Variants in TTC6 observed in about 807,000 individuals in gnomAD.
TTC6 encodes tetratricopeptide repeat domain 6, also known as tetratricopeptide repeat protein 6.
In TTC6, 172 loss-of-function variants were observed where a neutral mutation model predicts 210.4. The observed-to-expected ratio is 0.82, with a 90% CI of 0.72 to 0.93. The LOEUF (loss-of-function observed/expected upper bound fraction) is 0.93. Among genes scored for constraint, TTC6 ranks in the 40% least tolerant of loss-of-function variants. The pLI is 0.00. For synonymous variants in TTC6, 804 were observed against 819.6 expected (o/e 0.98, Z 0.32); for missense variants, 2,414 against 2,318.1 (o/e 1.04, Z -0.85).
intron 14 of TTC6, among the ~76,000 whole-genome samples, chr14:37,779,275 A>C (rs910046320): frequency 6.6e-6 from 1 of 152,040 alleles, no homozygotes; most frequent in African/African-American, 2.4e-5. Flanking sequence ...TGCATTCTCT[A>C]TGAAGATCTG....
intron 14 of TTC6, among the ~76,000 whole-genome samples, chr14:37,777,104 C>T (rs1027444248): frequency 6.6e-6 from 1 of 151,998 alleles, no homozygotes; most frequent in Admixed American, 6.6e-5. Context: ...TAGTATTTTG[C>T]AGGGGTTCTC....
intron 3 of TTC6, among the ~76,000 whole-genome samples, chr14:37,685,067 C>T (rs929082674): frequency 9.9e-5 from 15 of 151,960 alleles, no homozygotes; most frequent in African/African-American, 3.1e-4. Context: ...TAAATCATGA[C>T]GAACAAAAGA....
chr14:37,799,100 T>G (rs1199301649), intron 20 of TTC6, among the ~76,000 whole-genome samples: 2 of 152,132 alleles, frequency 1.3e-5, no homozygotes, highest in Middle Eastern at 3.2e-3. Flanking sequence ...GTGAATGAGT[T>G]TGTCTAAAGA....
intron 25 of TTC6, 94 bp from the exon 28 acceptor site, chr14:37,817,484 C>T: frequency 1.9e-6 from 2 of 1,036,878 alleles, no homozygotes; most frequent in Non-Finnish European, 1.5e-6. Context: ...TATCTTAATG[C>T]TTGTGTCATT....
At chr14:37,728,625 CT>C (rs1489128913) in intron 7 of TTC6, among the ~76,000 whole-genome samples, 1 of 152,028 alleles carries the variant, frequency 6.6e-6, no homozygotes, top group African/African-American at 2.4e-5. Flanking sequence ...GTTAATACTT[CT>C]TATTGTTTTT....
chr14:37,655,129 A>G (rs532176936), intron 1 of TTC6, among the ~76,000 whole-genome samples: 26 of 152,304 alleles, frequency 1.7e-4, no homozygotes, highest in African/African-American at 6.0e-4. Flanking sequence ...TTGCTTGTCC[A>G]GTGTAGCAGG....
intron 1 of TTC6, among the ~76,000 whole-genome samples, chr14:37,643,111 C>A (rs2095695148): frequency 6.6e-6 from 1 of 151,924 alleles, no homozygotes; most frequent in East Asian, 1.9e-4. Flanking sequence ...AGTTTGTGAC[C>A]AGCCTGGCCA....
At chr14:37,837,118 A>G (rs2096199637) in intron 29 of TTC6, among the ~76,000 whole-genome samples, 1 of 152,218 alleles carries the variant, frequency 6.6e-6, no homozygotes. Flanking sequence ...TACTTCAAGT[A>G]ACCTCATTAA....
At chr14:37,603,467 C>T (rs1403106578) in intron 1 of TTC6, among the ~76,000 whole-genome samples, 1 of 152,222 alleles carries the variant, frequency 6.6e-6, no homozygotes, top group Non-Finnish European at 1.5e-5. Flanking sequence ...AAGCGACTTT[C>T]CCGAAAGGGA....
exon 26 of TTC6, chr14:37,817,593 G>T: frequency 6.2e-7 from 1 of 1,613,974 alleles, no homozygotes; most frequent in Non-Finnish European, 8.5e-7. Context: ...TAAACAAGCT[G>T]CACTGATAAG....
intron 1 of TTC6, among the ~76,000 whole-genome samples, chr14:37,665,624 G>A (rs896443264): frequency 1.3e-5 from 2 of 150,302 alleles, no homozygotes; most frequent in African/African-American, 2.4e-5. Flanking sequence ...AAACCTGCAC[G>A]TCCTGCACAT....
Position 37,832,823 on chromosome 14 carries a change from GC to G in TTC6, c.5298+5459del, listed in dbSNP as rs2096189063. On this transcript the variant is annotated intron_variant, in intron 29 of 30. Transcript: ENST00000553443. ...GCCTATAATCCCAGCACTTTGGGAG[GC>G]CAAGGTGGGCAGATCACGAGGTCAA... 2.0e-5 allele frequency among the ~76,000 whole-genome samples: 3 copies of G among 152,136 alleles called. No individual in the cohort carries two copies. In the South Asian group the frequency reaches 6.2e-4, roughly 32 times the overall value.
At chr14:37,805,752 G>C (rs1014436440) in intron 21 of TTC6, among the ~76,000 whole-genome samples, 3 of 152,068 alleles carry the variant, frequency 2.0e-5, no homozygotes. Context: ...CCAGGGTGGA[G>C]TGCAGTGGCG....
chr14:37,677,754 G>A (rs1188294279), intron 1 of TTC6, among the ~76,000 whole-genome samples: 1 of 151,624 alleles, frequency 6.6e-6, no homozygotes, highest in Non-Finnish European at 1.5e-5. Context: ...CATTTGTCAT[G>A]GTTCCTGTTG....
At chr14:37,768,886 C>G (rs1319273016) in intron 14 of TTC6, among the ~76,000 whole-genome samples, 1 of 150,716 alleles carries the variant, frequency 6.6e-6, no homozygotes, top group Non-Finnish European at 1.5e-5. Flanking sequence ...TGCCAGTTTT[C>G]AAAGGGAATG....
exon 1 of TTC6, chr14:37,622,347 G>A (rs1019890052): frequency 2.6e-6 from 4 of 1,531,692 alleles, no homozygotes; most frequent in Non-Finnish European, 2.6e-6. Flanking sequence ...GGAGGTGCTC[G>A]GAGGCGCGCC....
chr14:37,616,099 C>G (rs897162555), intron 2 of TTC6, among the ~76,000 whole-genome samples: 3 of 152,196 alleles, frequency 2.0e-5, no homozygotes, highest in Non-Finnish European at 4.4e-5. Flanking sequence ...GTTGGTGGTT[C>G]AGTTCAGCTC....
exon 1 of TTC6, chr14:37,622,678 C>T: frequency 3.9e-6 from 6 of 1,535,108 alleles, no homozygotes; most frequent in Non-Finnish European, 5.2e-6. Flanking sequence ...GAGAGGAAGG[C>T]CAGCTCCGTC....
intron 5 of TTC6, among the ~76,000 whole-genome samples, chr14:37,702,970 A>G (rs1208516987): frequency 6.6e-6 from 1 of 152,144 alleles, no homozygotes; most frequent in Non-Finnish European, 1.5e-5. Flanking sequence ...GTTTTGCTTT[A>G]TCAAATTAAA....
Sources: allele counts gnomAD v4.1 joint callset (sites outside exome capture counted in the v4.1 genomes callset), GRCh38; gene constraint gnomAD v4.1.1; transcripts MANE v1.5; gene names NCBI Gene and HGNC (gene_info 2026-07-23, HGNC 2026-07-21).